Variants in PPM1H observed in about 807,000 individuals in gnomAD.
The protein encoded by PPM1H is protein phosphatase, Mg2+/Mn2+ dependent 1H.
PPM1H carries 27 observed loss-of-function variants against 54.9 expected under a neutral mutation model. The ratio of observed to expected loss-of-function variants is 0.49; its 90% confidence interval spans 0.36 to 0.68. The LOEUF (loss-of-function observed/expected upper bound fraction) is 0.68. Ranked by LOEUF, PPM1H falls within the 30% of genes least tolerant of loss-of-function variation. PPM1H has a pLI of 0.00. For synonymous variants in PPM1H, 305 were observed against 270.8 expected, an observed-to-expected ratio of 1.13 and a Z score of -1.24; for missense variants, 596 against 667.8, an observed-to-expected ratio of 0.89 and a Z score of 1.19.
chr12:62,719,392 C>T lies in PPM1H; in HGVS notation c.1073+779G>A, dbSNP rs529013373. On this transcript the variant is annotated intron_variant, in intron 6 of 9. Transcript: ENST00000228705. ...ATGGTCTCCAGACTGGCAGGAGGCTCGCTCGTTAGGACCCCAGGGCACAAG... is the reference window on the plus strand; with the variant it reads ...ATGGTCTCCAGACTGGCAGGAGGCTTGCTCGTTAGGACCCCAGGGCACAAG... Among the ~76,000 whole-genome samples the T allele has an allele frequency of 5.9e-5, 9 of 152,294 alleles. No individual in the cohort carries two copies. The South Asian group carries it at 1.5e-3, about 25-fold the overall frequency.
Position 62,934,459 on chromosome 12 carries a change from G to C in PPM1H, c.245+33C>G, listed in dbSNP as rs765043673. 2.6e-6 allele frequency: 4 copies of C among 1,516,846 alleles called. No individual in the cohort carries two copies. The highest frequency in any genetic ancestry group is 1.3e-5 in the South Asian group (1 of 79,540). 94.0% of individuals were successfully genotyped at this position (1,516,846 alleles called of 1,614,324 possible). A position where few individuals can be genotyped will look rare whatever the true frequency, so the allele number is the denominator to read the frequency against. Reference sequence around the variant, plus strand: ...ACCGTGCGGGGAAGGGCCGCGAGGAGAGCAGGGGCGCCGCCGGTGTCGCTG... The same window carrying C: ...ACCGTGCGGGGAAGGGCCGCGAGGACAGCAGGGGCGCCGCCGGTGTCGCTG... On this transcript the variant is annotated intron_variant, in intron 1 of 9. Coordinates refer to ENST00000228705, the MANE Select transcript of PPM1H (RefSeq NM_020700.2). This position sits in a 1 kb window ranked among gnomAD's most constrained non-coding sequence, Gnocchi z 4.2.
intron 1 of PPM1H, among the ~76,000 whole-genome samples, chr12:62,868,828 A>G (rs776359203): frequency 6.6e-6 from 1 of 152,202 alleles, no homozygotes; most frequent in African/African-American, 2.4e-5. Flanking sequence ...GTCATCTAAC[A>G]CCCTCAATCT....
chr12:62,876,965 T>C (rs1463975590), intron 1 of PPM1H, among the ~76,000 whole-genome samples: 1 of 152,200 alleles, frequency 6.6e-6, no homozygotes, highest in Non-Finnish European at 1.5e-5. Context: ...CAGGCTCCAG[T>C]CGGCACTTGC....
Position 62,750,291 on chromosome 12 carries a change from G to A in PPM1H, c.870-12705C>T, listed in dbSNP as rs146886143. On this transcript the variant is annotated intron_variant, in intron 4 of 9. Transcript: ENST00000228705. ...AGTAGCCACTCCCCATCTCTCCTTC[G>A]TTCTAAGCCCTTGCAAATACTAATC... Among the ~76,000 whole-genome samples the A allele has an allele frequency of 6.9e-3, 1,053 of 152,194 alleles. 7 individuals carry two copies. Among genetic ancestry groups the A allele is most frequent in the African/African-American group, 0.023 (970 of 41,504 alleles).
intron 4 of PPM1H, among the ~76,000 whole-genome samples, chr12:62,779,316 G>C (rs2076628687): frequency 6.6e-6 from 1 of 152,108 alleles, no homozygotes; most frequent in Non-Finnish European, 1.5e-5. Context: ...CAAAGTGCTG[G>C]GATTACAGGC....
At chr12:62,847,745 T>A (rs1281334479) in intron 1 of PPM1H, among the ~76,000 whole-genome samples, 1 of 151,920 alleles carries the variant, frequency 6.6e-6, no homozygotes, top group Non-Finnish European at 1.5e-5. Context: ...AAGTTTATTT[T>A]AAGGATTCAA....
chr12:62,727,700 G>A (rs972918870), intron 5 of PPM1H, among the ~76,000 whole-genome samples: 1 of 147,726 alleles, frequency 6.8e-6, no homozygotes. Context: ...TCACTCTGTT[G>A]CCCAGGCCGG....
intron 1 of PPM1H, among the ~76,000 whole-genome samples, chr12:62,908,543 C>G (rs1296983664): frequency 6.6e-6 from 1 of 151,946 alleles, no homozygotes; most frequent in Non-Finnish European, 1.5e-5. Context: ...GAATGTTATG[C>G]AAGTGGAGAA....
chr12:62,709,671 T>C (rs1451600350), intron 6 of PPM1H, among the ~76,000 whole-genome samples: 1 of 152,246 alleles, frequency 6.6e-6, no homozygotes, highest in Admixed American at 6.5e-5. Context: ...ATAACTCTTA[T>C]CTTTTGTCTT....
At chr12:62,696,186 G>A (rs1398373143) in intron 6 of PPM1H, among the ~76,000 whole-genome samples, 3 of 152,154 alleles carry the variant, frequency 2.0e-5, no homozygotes, top group South Asian at 2.1e-4. Flanking sequence ...ATCACAAGCC[G>A]GGTCATTGAA....
chr12:62,651,903 T>C (rs2075818607), intron 9 of PPM1H, among the ~76,000 whole-genome samples: 2 of 152,192 alleles, frequency 1.3e-5, no homozygotes, highest in South Asian at 4.1e-4. Context: ...AATTCTCCTT[T>C]CTTTCTGGGG....
At chr12:62,743,156 G>T (rs1033155322) in intron 4 of PPM1H, among the ~76,000 whole-genome samples, 1 of 152,146 alleles carries the variant, frequency 6.6e-6, no homozygotes, top group Non-Finnish European at 1.5e-5. Context: ...TTTGAGACAA[G>T]CCTGGCCAAC....
chr12:62,806,015 T>C (rs2076803415), intron 2 of PPM1H, among the ~76,000 whole-genome samples: 1 of 152,086 alleles, frequency 6.6e-6, no homozygotes, highest in South Asian at 2.1e-4. Flanking sequence ...AACATTACAT[T>C]TGAAAAAATG....
chr12:62,884,996 G>T (rs541161214), intron 1 of PPM1H, among the ~76,000 whole-genome samples: 1 of 152,280 alleles, frequency 6.6e-6, no homozygotes, highest in Admixed American at 6.5e-5. Flanking sequence ...TGGACTTACA[G>T]TTCCACATGG....
intron 7 of PPM1H, among the ~76,000 whole-genome samples, 198 bp from the exon 8 acceptor site, chr12:62,690,004 G>C (rs957018606): frequency 6.6e-6 from 1 of 152,184 alleles, no homozygotes; most frequent in African/African-American, 2.4e-5. Context: ...CTGTATTTGA[G>C]GAGTGCTTTT....
chr12:62,891,056 C>A (rs919620130), intron 1 of PPM1H, among the ~76,000 whole-genome samples: 1 of 143,118 alleles, frequency 7.0e-6, no homozygotes. Flanking sequence ...TTGCAGTGAG[C>A]CAAGATCACG....
chr12:62,894,946 A>T (rs1304129171), intron 1 of PPM1H, among the ~76,000 whole-genome samples: 2 of 152,216 alleles, frequency 1.3e-5, no homozygotes, highest in Non-Finnish European at 2.9e-5. Context: ...AACTTTGTAA[A>T]ACTTAAGTAT....
intron 4 of PPM1H, among the ~76,000 whole-genome samples, chr12:62,738,198 C>A (rs2076361027): frequency 6.6e-6 from 1 of 152,198 alleles, no homozygotes; most frequent in Non-Finnish European, 1.5e-5. Context: ...GCATTGGCTT[C>A]ACCTGGGAGC....
Position 62,926,675 on chromosome 12 carries a change from T to C in PPM1H, c.245+7817A>G, listed in dbSNP as rs568462551. ...AACCGTAAAAAGATCTCTAAATGGGTCAGGTGCGGTGGCTCACTCCTGTAA... is the reference window on the plus strand; with the variant it reads ...AACCGTAAAAAGATCTCTAAATGGGCCAGGTGCGGTGGCTCACTCCTGTAA... On this transcript the variant is annotated intron_variant, in intron 1 of 9. Transcript: ENST00000228705. Among the ~76,000 whole-genome samples the C allele has an allele frequency of 2.0e-5, 3 of 152,142 alleles. No individual in the cohort carries two copies. In the East Asian group the frequency reaches 5.8e-4, roughly 29 times the overall value.
Sources: gnomAD v4.1 joint callset for allele counts (sites outside exome capture counted in the v4.1 genomes callset) on GRCh38, gnomAD v4.1.1 for gene constraint, Gnocchi (gnomAD v3.1) non-coding constraint, MANE v1.5 for transcripts, NCBI Gene and HGNC (gene_info 2026-07-23, HGNC 2026-07-21) for gene names.